Variants in CHRM3 observed in about 807,000 individuals in gnomAD.
The protein encoded by CHRM3 is muscarinic acetylcholine receptor M3.
Under a neutral mutation model 41.8 loss-of-function variants are expected in CHRM3, and 11 were observed. The ratio of observed to expected loss-of-function variants is 0.26; its 90% CI spans 0.17 to 0.44. CHRM3 has a LOEUF of 0.44. CHRM3 is among the 20% of genes least tolerant of loss of function. The probability of loss-of-function intolerance (pLI) is 1.00; values close to 1 mark genes in which losing one functional copy is unlikely to be tolerated. For missense variants in CHRM3, 571 were observed against 745.4 expected (o/e 0.77, Z 2.72); for synonymous variants, 297 against 301.4 (o/e 0.99, Z 0.15).
intron 5 of CHRM3, among the ~76,000 whole-genome samples, chr1:239,809,464 G>A (rs1035302241): frequency 6.6e-6 from 1 of 151,814 alleles, no homozygotes. Flanking sequence ...CTAGGAATGA[G>A]TCCGAGGTCC....
intron 3 of CHRM3, among the ~76,000 whole-genome samples, chr1:239,582,223 G>T (rs983505505): frequency 2.0e-5 from 3 of 152,114 alleles, no homozygotes; most frequent in African/African-American, 7.2e-5. Context: ...GTTAACACAA[G>T]AACTTTAAAG....
intron 5 of CHRM3, among the ~76,000 whole-genome samples, chr1:239,825,590 C>T (rs1292821690): frequency 2.6e-5 from 4 of 152,184 alleles, no homozygotes; most frequent in South Asian, 2.1e-4. Flanking sequence ...TTCATAGCAG[C>T]ATTATTCACA....
intron 5 of CHRM3, among the ~76,000 whole-genome samples, chr1:239,751,121 C>T (rs1665784839): frequency 6.6e-6 from 1 of 151,788 alleles, no homozygotes; most frequent in Non-Finnish European, 1.5e-5. Context: ...GCCTGTAATT[C>T]CAGCTACTCA....
chr1:239,618,259 A>G (rs1251838356), intron 3 of CHRM3, among the ~76,000 whole-genome samples: 1 of 139,228 alleles, frequency 7.2e-6, no homozygotes, highest in Non-Finnish European at 1.5e-5. Flanking sequence ...AGAGAGTAGG[A>G]GTACTTTTTT....
intron 3 of CHRM3, among the ~76,000 whole-genome samples, chr1:239,577,487 T>C (rs1558334396): frequency 6.6e-6 from 1 of 152,200 alleles, no homozygotes; most frequent in Admixed American, 6.5e-5. Context: ...TCGGGATTGA[T>C]ACACAGTCTT....
chr1:239,422,916 G>A (rs1413324723), intron 1 of CHRM3, among the ~76,000 whole-genome samples: 1 of 152,212 alleles, frequency 6.6e-6, no homozygotes, highest in Non-Finnish European at 1.5e-5. Context: ...GATAGAACAA[G>A]TCACTGGGGA....
At chr1:239,501,367 T>C (rs567276639) in intron 2 of CHRM3, among the ~76,000 whole-genome samples, 3 of 152,190 alleles carry the variant, frequency 2.0e-5, no homozygotes, top group Non-Finnish European at 4.4e-5. Context: ...AGATAGACCA[T>C]ATGATAGGCT....
chr1:239,614,831 G>A (rs953564507), intron 3 of CHRM3, among the ~76,000 whole-genome samples: 1 of 152,148 alleles, frequency 6.6e-6, no homozygotes, highest in Non-Finnish European at 1.5e-5. Context: ...TACACAAAAG[G>A]TGGGAATGAT....
At chr1:239,858,383 G>A (rs1001151774) in intron 6 of CHRM3, among the ~76,000 whole-genome samples, 3 of 152,106 alleles carry the variant, frequency 2.0e-5, no homozygotes, top group African/African-American at 7.2e-5. Context: ...AGAATAACAT[G>A]AGGAATGTAA....
intron 5 of CHRM3, among the ~76,000 whole-genome samples, chr1:239,734,833 A>G (rs1664267082): frequency 6.6e-6 from 1 of 152,110 alleles, no homozygotes; most frequent in Non-Finnish European, 1.5e-5. Flanking sequence ...AGTAGGTGGG[A>G]ACTTAGATGA....
rs11413091 is a variant in CHRM3, at chr1:239,618,273, C to CTTTTT, written c.-312-13948_-312-13947insTTTTT. Among the ~76,000 whole-genome samples the CTTTTT allele has an allele frequency of 1.5e-4, 17 of 113,054 alleles. 4 individuals carry two copies. Among genetic ancestry groups the CTTTTT allele is most frequent in the African/African-American group, 1.9e-4 (5 of 25,766 alleles). The allele number at this position is 113,054 out of a possible 152,430, so 74.2% of individuals were successfully genotyped here. A position where few individuals can be genotyped will look rare whatever the true frequency, so the allele number is the denominator to read the frequency against. On this transcript the variant is annotated intron_variant, in intron 3 of 6. Coordinates refer to ENST00000676153, the MANE Select transcript of CHRM3 (RefSeq NM_001375978.1). Reference sequence around the variant, plus strand: ...TAGAGAGTAGGAGTACTTTTTTTTTCTTTCTTTTTTTTTTTTTTTTTTAAT... The same window carrying CTTTTT: ...TAGAGAGTAGGAGTACTTTTTTTTTCTTTTTTTTCTTTTTTTTTTTTTTTTTTAAT...
chr1:239,639,378 G>A (rs9659747), intron 4 of CHRM3, among the ~76,000 whole-genome samples: 1 of 151,970 alleles, frequency 6.6e-6, no homozygotes. Context: ...TTACGATATT[G>A]ATTCTTCCTA....
At chr1:239,818,886 C>T (rs1415100623) in intron 5 of CHRM3, among the ~76,000 whole-genome samples, 5 of 152,132 alleles carry the variant, frequency 3.3e-5, no homozygotes, top group African/African-American at 1.2e-4. Context: ...GATGCATGCT[C>T]AGGTAAACTG....
chr1:239,461,609 G>GA (rs960789299), intron 1 of CHRM3, among the ~76,000 whole-genome samples: 23 of 151,182 alleles, frequency 1.5e-4, no homozygotes, highest in African/African-American at 4.9e-4. Flanking sequence ...TATACGCAAA[G>GA]AAAAAAAAAT....
chr1:239,697,699 G>T (rs1322979718), intron 5 of CHRM3, among the ~76,000 whole-genome samples: 1 of 152,114 alleles, frequency 6.6e-6, no homozygotes, highest in Non-Finnish European at 1.5e-5. Flanking sequence ...AAAGAACTGA[G>T]AATTGCTCCA....
rs183487608 is a variant in CHRM3, at chr1:239,824,100, G to A, written c.-146-3152G>A. Among the ~76,000 whole-genome samples the A allele has an allele frequency of 1.1e-3, 161 of 152,238 alleles. 1 individual carries two copies. Among genetic ancestry groups the A allele is most frequent in the Admixed American group, 2.1e-3 (32 of 15,300 alleles). On this transcript the variant is annotated intron_variant, in intron 5 of 6. Transcript: ENST00000676153. ...GGCTGCCGGCGGTGCCCTCTGTCTC[G>A]TTGGTGAGGCCGCATTTCACTCCAG...
intron 4 of CHRM3, among the ~76,000 whole-genome samples, chr1:239,674,852 G>T (rs111461590): frequency 0.11 from 16,341 of 152,082 alleles, 1,209 homozygotes; most frequent in Admixed American, 0.15. Context: ...TGGCAACAAT[G>T]GTGTCTCCTT....
At chr1:239,767,074 T>C (rs1268676955) in intron 5 of CHRM3, among the ~76,000 whole-genome samples, 2 of 152,204 alleles carry the variant, frequency 1.3e-5, no homozygotes, top group African/African-American at 2.4e-5. Context: ...GGATATTTGC[T>C]TGCTAATTAT....
intron 5 of CHRM3, among the ~76,000 whole-genome samples, chr1:239,726,102 A>T (rs1218841237): frequency 6.6e-6 from 1 of 151,910 alleles, no homozygotes; most frequent in Non-Finnish European, 1.5e-5. Context: ...CTTGTGCACT[A>T]CAACAGCAGA....
Sources: allele counts gnomAD v4.1 joint callset (sites outside exome capture counted in the v4.1 genomes callset), GRCh38; gene constraint gnomAD v4.1.1; transcripts MANE v1.5; gene names NCBI Gene and HGNC (gene_info 2026-07-23, HGNC 2026-07-21).